ZFHX3: variants seen among roughly 807,000 people sequenced by gnomAD.
ZFHX3 encodes the protein zinc finger homeobox 3, also known as zinc finger homeobox protein 3.
Under a neutral mutation model 279.1 loss-of-function variants are expected in ZFHX3, and 42 were observed. That is an observed-to-expected ratio of 0.15 (90% CI 0.12 to 0.19). The LOEUF is 0.19. Ranked by LOEUF, ZFHX3 falls within the 10% of genes least tolerant of loss-of-function variation. The probability of loss-of-function intolerance (pLI) is 1.00; values close to 1 mark genes in which losing one functional copy is unlikely to be tolerated. For synonymous variants in ZFHX3, 2,293 were observed against 1,957.8 expected (o/e 1.17, Z -4.52); for missense variants, 4,981 against 4,754.0 (o/e 1.05, Z -1.40).
chr16:73,821,707 TTGCC>T (rs1218718959), intron 1 of ZFHX3, among the ~76,000 whole-genome samples: 7 of 152,220 alleles, frequency 4.6e-5, no homozygotes, highest in Admixed American at 2.6e-4. Flanking sequence ...GTCTAAACAT[TTGCC>T]TGGAAATTTG....
intron 1 of ZFHX3, among the ~76,000 whole-genome samples, chr16:73,758,647 C>T (rs528846117): frequency 6.6e-6 from 1 of 152,324 alleles, no homozygotes; most frequent in South Asian, 2.1e-4. Flanking sequence ...TCTGAATACA[C>T]AGGCGGATCT....
chr16:73,473,083 C>T (rs1481566979), intron 2 of ZFHX3, among the ~76,000 whole-genome samples: 1 of 151,038 alleles, frequency 6.6e-6, no homozygotes, highest in African/African-American at 2.4e-5. Context: ...GCTCATGCCT[C>T]TATTCCCACC....
At chr16:73,832,173 A>G (rs545592165) in intron 1 of ZFHX3, among the ~76,000 whole-genome samples, 2 of 150,898 alleles carry the variant, frequency 1.3e-5, no homozygotes, top group East Asian at 3.9e-4. Flanking sequence ...TGCTGGGATT[A>G]TAGGCAAAGC....
intron 7 of ZFHX3, 48 bp from the exon 8 acceptor site, chr16:72,800,177 A>G (rs367825988): frequency 6.7e-7 from 1 of 1,499,598 alleles, no homozygotes; most frequent in Non-Finnish European, 9.3e-7. Context: ...AAGCGACACA[A>G]AATAGGAAAT....
intron 3 of ZFHX3, among the ~76,000 whole-genome samples, chr16:73,452,979 C>T (rs780159745): frequency 1.3e-5 from 2 of 152,192 alleles, no homozygotes; most frequent in Admixed American, 6.5e-5. Context: ...ATATCCAGTC[C>T]TTCTCCATTG....
At chr16:73,513,841 T>C (rs1245021289) in intron 2 of ZFHX3, among the ~76,000 whole-genome samples, 1 of 151,786 alleles carries the variant, frequency 6.6e-6, no homozygotes, top group East Asian at 1.9e-4. Context: ...GAGAAGACGC[T>C]GAACAAGCAG....
intron 1 of ZFHX3, among the ~76,000 whole-genome samples, chr16:72,991,381 T>C (rs1963082479): frequency 6.6e-6 from 1 of 152,132 alleles, no homozygotes; most frequent in East Asian, 1.9e-4. Context: ...TCCCCAAGGA[T>C]AAAGAGGGAC....
At chr16:72,936,534 G>C (rs1960134860) in intron 3 of ZFHX3, among the ~76,000 whole-genome samples, 1 of 152,318 alleles carries the variant, frequency 6.6e-6, no homozygotes, top group East Asian at 1.9e-4. Flanking sequence ...TATTGAATGA[G>C]AGCTGAATGT....
chr16:73,027,841 A>G (rs1161567615), intron 1 of ZFHX3, among the ~76,000 whole-genome samples: 1 of 152,182 alleles, frequency 6.6e-6, no homozygotes, highest in Non-Finnish European at 1.5e-5. Context: ...AACTTTGCTT[A>G]TCTCTCTCCT....
intron 1 of ZFHX3, among the ~76,000 whole-genome samples, chr16:73,706,400 G>A (rs1422141924): frequency 4.0e-5 from 6 of 150,092 alleles, no homozygotes; most frequent in Non-Finnish European, 7.4e-5. Flanking sequence ...AGGTTGCAGC[G>A]AGCCTAGATC....
At chr16:73,239,376 G>T (rs1432780232) in intron 5 of ZFHX3, among the ~76,000 whole-genome samples, 2 of 152,224 alleles carry the variant, frequency 1.3e-5, no homozygotes, top group African/African-American at 4.8e-5. Flanking sequence ...CTCTGGCTAA[G>T]GCCGAACTTC....
chr16:73,229,811 C>T (rs935238619), intron 5 of ZFHX3, among the ~76,000 whole-genome samples: 1 of 152,056 alleles, frequency 6.6e-6, no homozygotes, highest in African/African-American at 2.4e-5. Flanking sequence ...ATAATATAGT[C>T]TTTATAGACT....
chr16:73,783,963 C>A (rs1406397425), intron 1 of ZFHX3, among the ~76,000 whole-genome samples: 1 of 152,054 alleles, frequency 6.6e-6, no homozygotes, highest in African/African-American at 2.4e-5. Context: ...ACCTGTCAAA[C>A]CCTGGGTGTC....
At chr16:73,373,513 C>A (rs372588319) in intron 3 of ZFHX3, among the ~76,000 whole-genome samples, 13 of 152,318 alleles carry the variant, frequency 8.5e-5, no homozygotes, top group African/African-American at 3.1e-4. Flanking sequence ...TGTGGAAACT[C>A]CCCGGGGATC....
In ZFHX3 at chr16:73,877,310, A is replaced by C. The variant is rs2029985038; in HGVS notation, c.-1608+14341T>G. ...ATGAGGACAATCAGACCAGACACCC[A>C]TTAGATTCTTCATGCAATTTTTTTT... On this transcript the variant is annotated intron_variant, in intron 1 of 17. Coordinates refer to the ZFHX3 transcript ENST00000641206. 2.0e-5 allele frequency among the ~76,000 whole-genome samples: 3 copies of C among 152,036 alleles called. No homozygotes were observed. The South Asian group carries it at 6.2e-4, about 32-fold the overall frequency.
intron 1 of ZFHX3, among the ~76,000 whole-genome samples, chr16:73,863,930 G>A (rs1045717843): frequency 6.6e-6 from 1 of 152,044 alleles, no homozygotes; most frequent in Non-Finnish European, 1.5e-5. Context: ...AAATGATCAC[G>A]CTCTTTTCTC....
At chr16:73,202,391 C>G (rs1333777256) in intron 5 of ZFHX3, among the ~76,000 whole-genome samples, 2 of 152,174 alleles carry the variant, frequency 1.3e-5, no homozygotes, top group Non-Finnish European at 2.9e-5. Context: ...AAATATGAAG[C>G]CTGAGAAGAA....
chr16:73,634,456 ATATAT>A lies in ZFHX3; in HGVS notation c.-1547+45719_-1547+45723del, dbSNP rs200446031. Among the ~76,000 whole-genome samples the A allele has an allele frequency of 1.6e-4, 23 of 145,618 alleles. No individual in the cohort carries two copies. The East Asian group carries it at 3.0e-3, about 19-fold the overall frequency. On this transcript the variant is annotated intron_variant, in intron 2 of 17. Coordinates refer to the ZFHX3 transcript ENST00000641206. The stretch of plus-strand genomic sequence containing the variant: ...ATAATATATATATATATATATATAT[ATATAT>A]AAAATATATATGTAAAAGTCATAAC...
intron 1 of ZFHX3, among the ~76,000 whole-genome samples, chr16:73,708,859 G>A (rs116117944): frequency 8.3e-4 from 126 of 152,256 alleles, no homozygotes; most frequent in African/African-American, 1.8e-3. Context: ...ATGGGCTCTC[G>A]GAAGAATAGG....
Sources: allele counts gnomAD v4.1 joint callset (sites outside exome capture counted in the v4.1 genomes callset), GRCh38; gene constraint gnomAD v4.1.1; transcripts MANE v1.5; gene names NCBI Gene and HGNC (gene_info 2026-07-23, HGNC 2026-07-21).